Variants in FBXW7 observed in about 807,000 individuals in gnomAD.
The protein encoded by FBXW7 is F-box/WD repeat-containing protein 7.
In FBXW7, 11 loss-of-function variants were observed where a neutral mutation model predicts 86.3. The observed-to-expected ratio is 0.13, with a 90% CI of 0.08 to 0.21. FBXW7 has a LOEUF of 0.21. Ranked by LOEUF, FBXW7 falls within the 10% of genes least tolerant of loss-of-function variation. The pLI is 1.00. For missense variants in FBXW7, 488 were observed against 847.4 expected (o/e 0.58, Z 5.27); for synonymous variants, 313 against 297.9 (o/e 1.05, Z -0.52).
At chr4:152,516,661 A>T (rs994926579) in intron 2 of FBXW7, among the ~76,000 whole-genome samples, 1 of 152,246 alleles carries the variant, frequency 6.6e-6, no homozygotes, top group African/African-American at 2.4e-5. Flanking sequence ...ATTATAAGTG[A>T]TGTAATTCAA....
At chr4:152,387,639 C>A (rs1387819120) in intron 4 of FBXW7, among the ~76,000 whole-genome samples, 3 of 133,490 alleles carry the variant, frequency 2.2e-5, no homozygotes, top group African/African-American at 2.7e-5. Flanking sequence ...CAGCAAGCAA[C>A]ATATTACTTT....
intron 2 of FBXW7, among the ~76,000 whole-genome samples, chr4:152,465,734 C>T (rs986357573): frequency 4.6e-5 from 7 of 151,644 alleles, no homozygotes; most frequent in African/African-American, 1.2e-4. Flanking sequence ...ATCCCAGCTA[C>T]TCAGGAGGCT....
chr4:152,496,626 C>T (rs759192142), intron 2 of FBXW7, among the ~76,000 whole-genome samples: 2 of 149,230 alleles, frequency 1.3e-5, no homozygotes, highest in African/African-American at 2.5e-5. Context: ...TGCAGTGAGC[C>T]GAGATCACAA....
chr4:152,424,988 G>A (rs540136944), intron 2 of FBXW7, among the ~76,000 whole-genome samples: 6 of 152,294 alleles, frequency 3.9e-5, no homozygotes, highest in Non-Finnish European at 8.8e-5. Context: ...TGCAGATTCT[G>A]AGTTGGTAAA....
chr4:152,452,109 G>A (rs925125351), intron 2 of FBXW7, among the ~76,000 whole-genome samples: 2 of 152,164 alleles, frequency 1.3e-5, no homozygotes, highest in African/African-American at 2.4e-5. Context: ...GCATCCAACT[G>A]TCTTCCTGTA....
At chr4:152,452,462 T>C (rs1449928518) in intron 2 of FBXW7, among the ~76,000 whole-genome samples, 1 of 152,224 alleles carries the variant, frequency 6.6e-6, no homozygotes, top group East Asian at 1.9e-4. Flanking sequence ...ATTTTCACTG[T>C]TATTTTTAAA....
intron 2 of FBXW7, among the ~76,000 whole-genome samples, chr4:152,450,962 CTT>C (rs1741851352): frequency 6.6e-6 from 1 of 152,174 alleles, no homozygotes; most frequent in Non-Finnish European, 1.5e-5. Flanking sequence ...TTAATTATAA[CTT>C]AGAGTATAAG....
Position 152,322,777 on chromosome 4 carries a change from G to T in FBXW7, c.*104C>A. The T allele has an allele frequency of 6.5e-7, 1 of 1,529,682 alleles. No individual in the cohort carries two copies. The allele number at this position is 1,529,682 out of a possible 1,614,324, so 94.8% of individuals were successfully genotyped here. On this transcript the variant is annotated 3_prime_UTR_variant, in exon 14 of 14. Coordinates refer to ENST00000281708, the MANE Select transcript of FBXW7 (RefSeq NM_001349798.2). ...CCAAGCCAACATCCTGCACCACTGA[G>T]AACAAGGGATTTTTTTCTTTTTCTT...
rs1737973864 is a variant in FBXW7, at chr4:152,411,580, C to T, written c.224G>A (p.Gly75Glu). 6.2e-7 allele frequency: 1 copy of T among 1,613,796 alleles called. No homozygotes were observed. The highest frequency in any genetic ancestry group is 1.7e-5 in the Admixed American group (1 of 59,952). The change falls in exon 4 of 14, where the codon GGA (glycine) becomes GAA (glutamate). Residue 75 changes from glycine (G) to glutamate (E), a missense_variant. Around this residue, in one of 4 missense-constraint regions of FBXW7, gnomAD observed 230 missense variants for 240.0 expected, o/e 0.96. Coordinates refer to ENST00000281708, the MANE Select transcript of FBXW7 (RefSeq NM_001349798.2). Reference sequence around the variant, plus strand: ...TCTATTATTGTTTTCTTCCAACTGTCCTTGCTGGGAATCATTTTGGCCTCC... The same window carrying T: ...TCTATTATTGTTTTCTTCCAACTGTTCTTGCTGGGAATCATTTTGGCCTCC... ...RPGGQNDSQQGQLEENNNRFI... is the reference protein window; with the variant it reads ...RPGGQNDSQQEQLEENNNRFI...
At chr4:152,472,761 G>C (rs2149655044) in intron 2 of FBXW7, among the ~76,000 whole-genome samples, 1 of 152,186 alleles carries the variant, frequency 6.6e-6, no homozygotes, top group South Asian at 2.1e-4. Flanking sequence ...TATACTTTGT[G>C]TATGTAAATT....
At chr4:152,426,759 T>C (rs1043171024) in intron 2 of FBXW7, among the ~76,000 whole-genome samples, 10 of 152,180 alleles carry the variant, frequency 6.6e-5, no homozygotes, top group African/African-American at 2.2e-4. Context: ...AAGAGAAGTC[T>C]AGCCTCTGTG....
intron 2 of FBXW7, among the ~76,000 whole-genome samples, chr4:152,453,102 T>C (rs1742063333): frequency 6.6e-6 from 1 of 152,150 alleles, no homozygotes; most frequent in Non-Finnish European, 1.5e-5. Context: ...GAGAATCACT[T>C]GAACCTGGGA....
At chr4:152,469,844 C>G (rs1057499222) in intron 2 of FBXW7, among the ~76,000 whole-genome samples, 1 of 152,014 alleles carries the variant, frequency 6.6e-6, no homozygotes, top group Non-Finnish European at 1.5e-5. Context: ...TTAATTATAA[C>G]TATAATTTAC....
At chr4:152,438,749 C>G (rs1740611484) in intron 2 of FBXW7, among the ~76,000 whole-genome samples, 1 of 152,064 alleles carries the variant, frequency 6.6e-6, no homozygotes. Context: ...ACTGGTAAAC[C>G]TACTCCATCA....
intron 2 of FBXW7, among the ~76,000 whole-genome samples, chr4:152,471,345 T>C (rs894553089): frequency 2.3e-4 from 34 of 148,932 alleles, no homozygotes; most frequent in African/African-American, 8.4e-4. Flanking sequence ...ACAATTTCAT[T>C]ACAATTACAG....
At chr4:152,381,434 A>G (rs1735064612) in intron 4 of FBXW7, among the ~76,000 whole-genome samples, 2 of 152,106 alleles carry the variant, frequency 1.3e-5, no homozygotes, top group African/African-American at 4.8e-5. Flanking sequence ...TGTTTGTTTC[A>G]GGCTCATAAA....
intron 2 of FBXW7, among the ~76,000 whole-genome samples, chr4:152,418,726 G>C (rs919077159): frequency 6.6e-6 from 1 of 152,092 alleles, no homozygotes; most frequent in Non-Finnish European, 1.5e-5. Context: ...GAAAAACAGT[G>C]AACATTATGC....
At position 152,338,309 on chromosome 4, in the gene FBXW7, A is replaced by G. The variant is rs80213161; in HGVS notation, c.727-373T>C. On this transcript the variant is annotated intron_variant, in intron 6 of 13. Transcript: ENST00000281708. ...TAGAAAATTTTGACAATTTCTCTAC[A>G]TTCTTTCTAGTAAGCACCATAAAAT... 1.3e-3 allele frequency among the ~76,000 whole-genome samples: 201 copies of G among 152,168 alleles called. 8 individuals carry two copies. In the East Asian group the frequency reaches 0.034, roughly 26 times the overall value.
chr4:152,354,279 T>C (rs912731278), intron 4 of FBXW7, among the ~76,000 whole-genome samples: 1 of 152,008 alleles, frequency 6.6e-6, no homozygotes, highest in Non-Finnish European at 1.5e-5. Flanking sequence ...TCAGGAACAA[T>C]ATGTATATGT....
Sources: allele counts gnomAD v4.1 joint callset (sites outside exome capture counted in the v4.1 genomes callset), GRCh38; gene constraint gnomAD v4.1.1; regional missense constraint gnomAD v4.1.1; transcripts MANE v1.5; gene names NCBI Gene and HGNC (gene_info 2026-07-23, HGNC 2026-07-21).